Variants in RIMS2 observed in about 807,000 individuals in gnomAD.
RIMS2 encodes regulating synaptic membrane exocytosis 2.
RIMS2 carries 59 observed loss-of-function variants against 174.4 expected under a neutral mutation model. The observed-to-expected ratio is 0.34, with a 90% confidence interval of 0.27 to 0.42. The LOEUF (loss-of-function observed/expected upper bound fraction) is 0.42. RIMS2 is among the 10% of genes least tolerant of loss of function. The pLI is 1.00. For missense variants in RIMS2, 1,620 were observed against 1,666.3 expected (o/e 0.97, Z 0.48); for synonymous variants, 606 against 572.5 (o/e 1.06, Z -0.84).
At chr8:104,122,189 G>T (rs1175002117) in intron 19 of RIMS2, among the ~76,000 whole-genome samples, 1 of 151,884 alleles carries the variant, frequency 6.6e-6, no homozygotes, top group East Asian at 1.9e-4. Context: ...AATCCCAGAA[G>T]TAAGTGGAGA....
chr8:103,575,516 T>A (rs2093152803), intron 1 of RIMS2, among the ~76,000 whole-genome samples: 1 of 152,006 alleles, frequency 6.6e-6, no homozygotes. Flanking sequence ...AATATTCCTA[T>A]ATTAGTTTCC....
At chr8:103,676,966 AGAGT>A (rs1191755067) in intron 1 of RIMS2, among the ~76,000 whole-genome samples, 1 of 152,202 alleles carries the variant, frequency 6.6e-6, no homozygotes, top group Non-Finnish European at 1.5e-5. Flanking sequence ...CCTGGGTGAC[AGAGT>A]AAGACTGTCT....
At chr8:104,030,836 A>G (rs1298992102) in intron 19 of RIMS2, among the ~76,000 whole-genome samples, 1 of 152,116 alleles carries the variant, frequency 6.6e-6, no homozygotes, top group African/African-American at 2.4e-5. Flanking sequence ...TTGTCTTTTT[A>G]GCATTTATCA....
At chr8:103,517,933 A>AAT (rs397797116) in intron 1 of RIMS2, among the ~76,000 whole-genome samples, 1 of 149,908 alleles carries the variant, frequency 6.7e-6, no homozygotes, top group Admixed American at 6.7e-5. Context: ...AAAAAAAAAA[A>AAT]TTGCAAAAAA....
chr8:103,631,055 T>G (rs1009476496), intron 1 of RIMS2, among the ~76,000 whole-genome samples: 2 of 152,212 alleles, frequency 1.3e-5, no homozygotes, highest in African/African-American at 2.4e-5. Flanking sequence ...AAATATTTTC[T>G]CCCATTCTGT....
At chr8:103,925,108 G>A (rs2154530412) in intron 10 of RIMS2, among the ~76,000 whole-genome samples, 1 of 151,558 alleles carries the variant, frequency 6.6e-6, no homozygotes, top group South Asian at 2.1e-4. Flanking sequence ...TTTTATAATA[G>A]GGCGTTATAA....
At chr8:104,004,679 A>G (rs868235084) in intron 17 of RIMS2, among the ~76,000 whole-genome samples, 12 of 152,320 alleles carry the variant, frequency 7.9e-5, no homozygotes, top group Non-Finnish European at 1.5e-4. Context: ...TGGAGCAAAG[A>G]ATGTTTTAGA....
chr8:103,769,308 A>T (rs1418922730), intron 3 of RIMS2, among the ~76,000 whole-genome samples: 1 of 152,046 alleles, frequency 6.6e-6, no homozygotes, highest in Non-Finnish European at 1.5e-5. Flanking sequence ...CCTATCTGTA[A>T]TCTTTGTTTT....
chr8:104,103,293 T>A (rs2097946590), intron 19 of RIMS2, among the ~76,000 whole-genome samples: 1 of 152,136 alleles, frequency 6.6e-6, no homozygotes, highest in South Asian at 2.1e-4. Flanking sequence ...TGAAATGTTG[T>A]CAAAATAGAT....
chr8:104,228,470 C>T (rs1029123191), intron 19 of RIMS2, among the ~76,000 whole-genome samples: 1 of 152,036 alleles, frequency 6.6e-6, no homozygotes, highest in Admixed American at 6.6e-5. Context: ...AGAACTTTGC[C>T]CTTACGCCGT....
At chr8:103,601,290 T>C (rs1453213041) in intron 1 of RIMS2, among the ~76,000 whole-genome samples, 1 of 152,232 alleles carries the variant, frequency 6.6e-6, no homozygotes, top group Non-Finnish European at 1.5e-5. Context: ...GCTATTATTT[T>C]ATTTGGGCCT....
At chr8:104,224,135 T>A (rs893015542) in intron 19 of RIMS2, among the ~76,000 whole-genome samples, 5 of 152,182 alleles carry the variant, frequency 3.3e-5, no homozygotes, top group Admixed American at 6.5e-5. Context: ...GCAGTCCGGG[T>A]ATTAGCATTC....
At chr8:104,224,657 C>T (rs1215227682) in intron 19 of RIMS2, among the ~76,000 whole-genome samples, 1 of 152,046 alleles carries the variant, frequency 6.6e-6, no homozygotes, top group Non-Finnish European at 1.5e-5. Flanking sequence ...TTGTAAATAA[C>T]AGGGTTGGTT....
At chr8:104,163,669 T>C (rs1566777987) in intron 19 of RIMS2, among the ~76,000 whole-genome samples, 1 of 152,196 alleles carries the variant, frequency 6.6e-6, no homozygotes, top group Non-Finnish European at 1.5e-5. Flanking sequence ...AAGTGGAATC[T>C]AGTGTATTTC....
chr8:103,876,864 TTATA>T lies in RIMS2; in HGVS notation c.699-8391_699-8388del, dbSNP rs199997824. Among the ~76,000 whole-genome samples the T allele has an allele frequency of 8.5e-3, 575 of 67,888 alleles. 6 individuals carry two copies. Among genetic ancestry groups the T allele is most frequent in the East Asian group, 0.014 (22 of 1,554 alleles). The allele number at this position is 67,888 out of a possible 152,430, so 44.5% of individuals were successfully genotyped here. On this transcript the variant is annotated intron_variant, in intron 3 of 23. Transcript: ENST00000504942. ...TGTATATATACACACACACACTATT[TTATA>T]TATATATATATATATATATATATAT...
intron 19 of RIMS2, among the ~76,000 whole-genome samples, chr8:104,103,325 T>C (rs1240208809): frequency 2.0e-5 from 3 of 152,112 alleles, no homozygotes; most frequent in Admixed American, 6.5e-5. Context: ...TCACACAACT[T>C]TGTGAATGTT....
In RIMS2 at chr8:103,910,030, C is replaced by G. The variant is rs564180393; in HGVS notation, c.1625-104C>G. ...TATAGTGAGTGCTACAGACAAAGTT[C>G]TTGAGACCAGACAGGATCACACAGT... On this transcript the variant is annotated intron_variant, in intron 4 of 23. Transcript: ENST00000504942. The G allele has an allele frequency of 1.4e-5, 9 of 651,482 alleles. No homozygotes were observed. The South Asian group carries it at 1.8e-4, about 13-fold the overall frequency. 40.4% of individuals were successfully genotyped at this position (651,482 alleles called of 1,614,324 possible). A position where few individuals can be genotyped will look rare whatever the true frequency, so the allele number is the denominator to read the frequency against.
At chr8:103,557,459 G>A (rs1467657177) in intron 1 of RIMS2, among the ~76,000 whole-genome samples, 1 of 152,130 alleles carries the variant, frequency 6.6e-6, no homozygotes, top group Non-Finnish European at 1.5e-5. Context: ...AAAACACAGA[G>A]TAAACATAGT....
intron 2 of RIMS2, among the ~76,000 whole-genome samples, chr8:103,751,721 G>GT (rs1287510448): frequency 2.0e-5 from 3 of 150,870 alleles, no homozygotes; most frequent in Non-Finnish European, 4.4e-5. Context: ...TTTTTCATGT[G>GT]TTTTTTGGCT....
Sources: gnomAD v4.1 joint callset for allele counts (sites outside exome capture counted in the v4.1 genomes callset) on GRCh38, gnomAD v4.1.1 for gene constraint, MANE v1.5 for transcripts, NCBI Gene and HGNC (gene_info 2026-07-23, HGNC 2026-07-21) for gene names.